FANCI: variants seen among roughly 807,000 people sequenced by gnomAD.
FANCI encodes the protein Fanconi anemia group I protein.
In FANCI, 156 loss-of-function variants were observed where a neutral mutation model predicts 176.1. The observed-to-expected ratio is 0.89, with a 90% CI of 0.78 to 1.01. The LOEUF (loss-of-function observed/expected upper bound fraction) is 1.01. Ranked by LOEUF, FANCI falls within the 50% of genes least tolerant of loss-of-function variation. The pLI, the probability that FANCI is intolerant of heterozygous loss-of-function variation, is 0.00. For synonymous variants in FANCI, 613 were observed against 541.7 expected, an observed-to-expected ratio of 1.13 and a Z score of -1.83; for missense variants, 1,678 against 1,534.1, an observed-to-expected ratio of 1.09 and a Z score of -1.57.
At chr15:89,312,507 G>GTAAT (rs756275313) in intron 34 of FANCI, among the ~76,000 whole-genome samples, 4 of 152,354 alleles carry the variant, frequency 2.6e-5, no homozygotes, top group East Asian at 3.9e-4. Context: ...CATACCCTGT[G>GTAAT]TAATTACCTT....
At chr15:89,260,167 T>C (rs900506152) in intron 3 of FANCI, among the ~76,000 whole-genome samples, 2 of 152,116 alleles carry the variant, frequency 1.3e-5, no homozygotes, top group African/African-American at 2.4e-5. Flanking sequence ...TTCTACATGA[T>C]CCAGATATTT....
At chr15:89,278,842 G>T in intron 14 of FANCI, 68 bp downstream of exon 14, 1 of 1,368,732 alleles carries the variant, frequency 7.3e-7, no homozygotes, top group South Asian at 1.2e-5. Flanking sequence ...TAATCATTTG[G>T]TCCTGGGAAA....
At chr15:89,296,090 C>A (rs996262059) in intron 24 of FANCI, among the ~76,000 whole-genome samples, 4 of 152,122 alleles carry the variant, frequency 2.6e-5, no homozygotes, top group African/African-American at 7.2e-5. Flanking sequence ...GCCTCAGTCT[C>A]CCAAGTAGCT....
chr15:89,298,732 A>G (rs1018466076), intron 24 of FANCI, among the ~76,000 whole-genome samples: 22 of 152,228 alleles, frequency 1.4e-4, no homozygotes, highest in African/African-American at 5.1e-4. Flanking sequence ...GAGAAGACAC[A>G]TTACAAATTG....
chr15:89,292,789 C>T lies in FANCI; in HGVS notation c.2094C>T (p.Phe698=). The change falls in exon 21 of 38, where the codon TTC becomes TTT. Residue 698 remains phenylalanine, a synonymous_variant. Coordinates refer to ENST00000310775, the MANE Select transcript of FANCI (RefSeq NM_001113378.2). ...GEEEEEEEEA[F]YEDLDDILES... is the part of the protein sequence containing the mutation. ...AGGAAGAGGAGGAGGAAGAGGCATT[C>T]TACGAAGACCTAGATGATATATTGG... 1 of 1,614,050 alleles carries T rather than the reference C, an allele frequency of 6.2e-7. No individual in the cohort carries two copies. The highest frequency in any genetic ancestry group is 8.5e-7 in the Non-Finnish European group (1 of 1,180,002).
At position 89,316,655 on chromosome 15, in the gene FANCI, C is replaced by CTGTG. The variant is rs2055275436; in HGVS notation, c.*196_*197insTGTG. The CTGTG allele has an allele frequency of 3.5e-5, 43 of 1,217,726 alleles. No individual in the cohort carries two copies. The highest frequency in any genetic ancestry group is 2.1e-4 in the Admixed American group (12 of 57,674). 75.4% of individuals were successfully genotyped at this position (1,217,726 alleles called of 1,614,324 possible). Reference sequence around the variant, plus strand: ...TGAAAAATGGCTGGCCTTAGGCAAGCCCTTTTGCAAAAAGCACAGCTGAAA... The same window carrying CTGTG: ...TGAAAAATGGCTGGCCTTAGGCAAGCTGTGCCTTTTGCAAAAAGCACAGCTGAAA... On this transcript the variant is annotated 3_prime_UTR_variant, in exon 38 of 38. Transcript: ENST00000310775.
Position 89,247,525 on chromosome 15 carries a change from C to T in FANCI, c.-19-104C>T, listed in dbSNP as rs571698320. 478 of 806,034 alleles carry T rather than the reference C, an allele frequency of 5.9e-4. No homozygotes were observed. In the African/African-American group the frequency reaches 7.3e-3, roughly 12 times the overall value. 49.9% of individuals were successfully genotyped at this position (806,034 alleles called of 1,614,324 possible). On this transcript the variant is annotated intron_variant, in intron 1 of 37. Transcript: ENST00000310775. Reference sequence around the variant, plus strand: ...GATAGTCCTAAGTTTGTTGAGCACCCATTGCATAATAGGTATGAAATATTC... The same window carrying T: ...GATAGTCCTAAGTTTGTTGAGCACCTATTGCATAATAGGTATGAAATATTC...
intron 10 of FANCI, among the ~76,000 whole-genome samples, chr15:89,270,325 A>G (rs1234344145): frequency 6.6e-6 from 1 of 152,098 alleles, no homozygotes; most frequent in African/African-American, 2.4e-5. Context: ...ATGACCATTG[A>G]TTTTCTTCAT....
rs116496706 is a variant in FANCI, at chr15:89,284,822, G to A, written c.1699-274G>A. Among the ~76,000 whole-genome samples the A allele has an allele frequency of 0.014, 2,070 of 152,214 alleles. 40 individuals carry two copies. Among genetic ancestry groups the A allele is most frequent in the East Asian group, 0.045 (235 of 5,188 alleles). On this transcript the variant is annotated intron_variant, in intron 17 of 37. Coordinates refer to ENST00000310775, the MANE Select transcript of FANCI (RefSeq NM_001113378.2). ...ACTGGATTCTAGTGGCTTGAAATAAGCAGTGTACCTTCCTAAGCAATTGAT... is the reference window on the plus strand; with the variant it reads ...ACTGGATTCTAGTGGCTTGAAATAAACAGTGTACCTTCCTAAGCAATTGAT...
At position 89,294,802 on chromosome 15, in the gene FANCI, G is replaced by A. The variant is rs2054192138; in HGVS notation, c.2457-113G>A. 39 of 1,122,676 alleles carry A rather than the reference G, an allele frequency of 3.5e-5. No individual in the cohort carries two copies. In the South Asian group the frequency reaches 6.3e-4, roughly 18 times the overall value. The allele number at this position is 1,122,676 out of a possible 1,614,324, so 69.5% of individuals were successfully genotyped here. A position where few individuals can be genotyped will look rare whatever the true frequency, so the allele number is the denominator to read the frequency against. On this transcript the variant is annotated intron_variant, in intron 23 of 37. Transcript: ENST00000310775. ...AGAGTCTGCCAGTCGGAACTTACTG[G>A]CAAGCTCTGTTGGGTGCTGCTGTTC... is the stretch of plus-strand genomic sequence containing the variant.
intron 34 of FANCI, among the ~76,000 whole-genome samples, chr15:89,310,672 G>C (rs1162458310): frequency 6.6e-6 from 1 of 152,244 alleles, no homozygotes; most frequent in Non-Finnish European, 1.5e-5. Flanking sequence ...CTCTTAACTA[G>C]AAATGGGGAT....
At chr15:89,277,230 C>T (rs577260725) in intron 13 of FANCI, among the ~76,000 whole-genome samples, 31 of 152,082 alleles carry the variant, frequency 2.0e-4, no homozygotes, top group African/African-American at 7.2e-4. Flanking sequence ...TAATGCTGTT[C>T]CTTTACACAG....
At chr15:89,281,955 A>C in intron 16 of FANCI, 120 bp downstream of exon 16, 1 of 949,558 alleles carries the variant, frequency 1.1e-6, no homozygotes, top group Non-Finnish European at 1.7e-6. Flanking sequence ...CTAGCCCCGC[A>C]GAGCAATTTC....
At chr15:89,281,858 A>T (rs781216611) in intron 16 of FANCI, 23 bp downstream of exon 16, 8 of 1,608,090 alleles carry the variant, frequency 5.0e-6, no homozygotes, top group African/African-American at 4.0e-5. Context: ...TTTTTCTATC[A>T]TAGGAAGACG....
At chr15:89,310,680 G>T (rs754418491) in intron 34 of FANCI, among the ~76,000 whole-genome samples, 4 of 152,246 alleles carry the variant, frequency 2.6e-5, no homozygotes, top group Non-Finnish European at 4.4e-5. Flanking sequence ...TAGAAATGGG[G>T]ATTGCATTTT....
rs898767918 is a variant in FANCI, at chr15:89,260,824, T to C, written c.269T>C (p.Ile90Thr). ...CAGAAAGAAATAGCGTCTGAGATCA[T>C]AGGATTACTGATGCTGGAGGTAAGA... The part of the protein sequence containing the change: ...DLQKEIASEI[I>T]GLLMLEAHHF... The change falls in exon 4 of 38, where the codon ATA (isoleucine) becomes ACA (threonine). Residue 90 changes from isoleucine to threonine, a missense_variant. Transcript: ENST00000310775. 3.1e-6 allele frequency: 5 copies of C among 1,613,738 alleles called. No individual in the cohort carries two copies. The highest frequency in any genetic ancestry group is 3.4e-6 in the Non-Finnish European group (4 of 1,179,832).
In FANCI at chr15:89,261,691, T is replaced by C. The variant is rs1451385008; in HGVS notation, c.395T>C (p.Ile132Thr). The C allele has an allele frequency of 3.1e-6, 5 of 1,614,144 alleles. No homozygotes were observed. The highest frequency in any genetic ancestry group is 4.2e-6 in the Non-Finnish European group (5 of 1,180,018). ...VNGKSLELLP[I>T]ILTALATKKE... is the part of the protein sequence containing the mutation. ...GGAAAATCTTTGGAGTTACTACCTA[T>C]CATTCTCACTGCCCTGGCTACGAAA... The change falls in exon 5 of 38, where the codon ATC becomes ACC. Residue 132 changes from isoleucine to threonine, a missense_variant. By Grantham distance (89) the Ile-to-Thr change is moderately conservative. Around this residue, in one of 3 missense-constraint regions of FANCI, gnomAD observed 469 missense variants for 436.9 expected, o/e 1.07. Transcript: ENST00000310775.
In FANCI at chr15:89,261,875, G is replaced by GC; in HGVS notation, c.501dup (p.Arg168GlnfsTer75). ...CAGTTGATTAACACCCTGTGTTCTG[G>GC]CAGGTGAGTCTTGTTAATATGTATA... On this transcript the variant is annotated frameshift_variant, in exon 6 of 38. Transcript: ENST00000310775. LOFTEE classifies it high-confidence loss of function. 6.2e-7 allele frequency: 1 copy of GC among 1,613,950 alleles called. No homozygotes were observed. The highest frequency in any genetic ancestry group is 8.5e-7 in the Non-Finnish European group (1 of 1,179,896).
intron 4 of FANCI, among the ~76,000 whole-genome samples, 172 bp from the exon 5 acceptor site, chr15:89,261,413 T>C (rs1263303637): frequency 1.3e-5 from 2 of 152,214 alleles, no homozygotes; most frequent in Admixed American, 1.3e-4. Flanking sequence ...TTGAAGCCCT[T>C]CACAATTATA....
Sources: gnomAD v4.1 joint callset for allele counts (sites outside exome capture counted in the v4.1 genomes callset) on GRCh38, gnomAD v4.1.1 for gene constraint, gnomAD v4.1.1 regional missense constraint, MANE v1.5 for transcripts, NCBI Gene and HGNC (gene_info 2026-07-23, HGNC 2026-07-21) for gene names.